ICA1L: variants seen among roughly 807,000 people sequenced by gnomAD.
ICA1L encodes islet cell autoantigen 1 like, also known as islet cell autoantigen 1-like protein.
ICA1L carries 50 observed loss-of-function variants against 61.3 expected under a neutral mutation model. The observed-to-expected ratio is 0.82, with a 90% confidence interval of 0.65 to 1.03. ICA1L has a LOEUF of 1.03. Ranked by LOEUF, ICA1L falls within the 50% of genes least tolerant of loss-of-function variation. ICA1L has a pLI of 0.00. For missense variants in ICA1L, 508 were observed against 556.7 expected, an observed-to-expected ratio of 0.91 and a Z score of 0.88; for synonymous variants, 161 against 191.3, an observed-to-expected ratio of 0.84 and a Z score of 1.31.
At chr2:202,797,519 T>C (rs1437523171) in intron 9 of ICA1L, among the ~76,000 whole-genome samples, 2 of 152,140 alleles carry the variant, frequency 1.3e-5, no homozygotes, top group African/African-American at 2.4e-5. Flanking sequence ...CTCTTAACAA[T>C]TGGTTGTCGT....
chr2:202,774,069 T>G lies in ICA1L; in HGVS notation c.*5464A>C. On this transcript the variant is annotated 3_prime_UTR_variant, in exon 13 of 13. Transcript: ENST00000358299. ...TGCTTCTTTGATGTGTCATCCTAGC[T>G]GCCTAATATGATAATATTAGGAATC... is the stretch of plus-strand genomic sequence containing the variant. 1.0e-6 allele frequency: 1 copy of G among 988,794 alleles called. No individual in the cohort carries two copies. 61.3% of individuals were successfully genotyped at this position (988,794 alleles called of 1,614,324 possible).
At chr2:202,824,900 T>C (rs192361798) in intron 3 of ICA1L, among the ~76,000 whole-genome samples, 11 of 152,198 alleles carry the variant, frequency 7.2e-5, no homozygotes, top group Admixed American at 5.2e-4. Context: ...TATCAAGGAA[T>C]AGGAAATAAT....
In ICA1L at chr2:202,817,415, T is replaced by C; in HGVS notation, c.684+3A>G. The stretch of plus-strand genomic sequence containing the variant: ...AGGATATGCTGACCATGGAGGTGGG[T>C]ACCTGGTAGGTAGTGAGCGAATGAG... On this transcript the variant is annotated splice_donor_region_variant and intron_variant, in intron 6 of 12. Transcript: ENST00000358299. The C allele has an allele frequency of 6.4e-7, 1 of 1,574,768 alleles. No homozygotes were observed. The highest frequency in any genetic ancestry group is 1.2e-5 in the South Asian group (1 of 84,432).
chr2:202,829,086 C>G, intron 1 of ICA1L, 70 bp from the exon 2 acceptor site: 3 of 1,314,710 alleles, frequency 2.3e-6, no homozygotes, highest in South Asian at 3.0e-5. Context: ...CGGTGGCTCA[C>G]GCCTGTAATT....
chr2:202,867,524 T>C (rs960523535), intron 1 of ICA1L, among the ~76,000 whole-genome samples: 2 of 152,218 alleles, frequency 1.3e-5, no homozygotes, highest in African/African-American at 4.8e-5. Flanking sequence ...AAATATGCTA[T>C]TACAATCTTA....
intron 7 of ICA1L, among the ~76,000 whole-genome samples, chr2:202,815,456 T>A (rs1402841157): frequency 6.6e-6 from 1 of 152,156 alleles, no homozygotes; most frequent in East Asian, 1.9e-4. Context: ...ATCCATGACA[T>A]CAGTGTAAAA....
intron 10 of ICA1L, among the ~76,000 whole-genome samples, chr2:202,793,617 T>G (rs1291875342): frequency 2.8e-5 from 4 of 145,200 alleles, no homozygotes; most frequent in African/African-American, 1.0e-4. Flanking sequence ...AGGTGGAGGT[T>G]CCAGTGAGCA....
chr2:202,796,969 A>G lies in ICA1L; in HGVS notation c.911-5T>C. 6.3e-7 allele frequency: 1 copy of G among 1,584,898 alleles called. No homozygotes were observed. Among genetic ancestry groups the G allele is most frequent in the East Asian group, 2.3e-5 (1 of 44,390 alleles). On this transcript the variant is annotated splice_region_variant and splice_polypyrimidine_tract_variant and intron_variant, in intron 9 of 12. Coordinates refer to ENST00000358299, the MANE Select transcript of ICA1L (RefSeq NM_001288622.3). Reference sequence around the variant, plus strand: ...TTTCATTGTGATCTTTGTTTGCTAAATCAAAAGCACATAAAAGAGAAGTTG... The same window carrying G: ...TTTCATTGTGATCTTTGTTTGCTAAGTCAAAAGCACATAAAAGAGAAGTTG...
chr2:202,803,431 T>C (rs762749492), intron 9 of ICA1L, among the ~76,000 whole-genome samples: 10 of 129,288 alleles, frequency 7.7e-5, no homozygotes, highest in Non-Finnish European at 1.2e-4. Flanking sequence ...AAAGAGAACA[T>C]GGGAAGATTG....
At chr2:202,851,646 A>G (rs1243353361) in intron 1 of ICA1L, among the ~76,000 whole-genome samples, 3 of 152,156 alleles carry the variant, frequency 2.0e-5, no homozygotes, top group African/African-American at 7.2e-5. Context: ...AAGTGTTCCC[A>G]TTTCTCTGCA....
chr2:202,830,133 C>A (rs777946135), intron 1 of ICA1L, among the ~76,000 whole-genome samples: 2 of 152,150 alleles, frequency 1.3e-5, no homozygotes, highest in Non-Finnish European at 2.9e-5. Flanking sequence ...GTGGCTCATG[C>A]CTGTAATCCC....
At chr2:202,810,524 G>A (rs1204632693) in intron 9 of ICA1L, among the ~76,000 whole-genome samples, 9 of 152,072 alleles carry the variant, frequency 5.9e-5, no homozygotes, top group South Asian at 2.1e-4. Context: ...GATGTATGTC[G>A]CCTCAGGACC....
intron 1 of ICA1L, among the ~76,000 whole-genome samples, chr2:202,865,122 C>A (rs1197604007): frequency 6.6e-6 from 1 of 150,842 alleles, no homozygotes. Flanking sequence ...GAGATCACAC[C>A]ACTGCACTTC....
intron 1 of ICA1L, among the ~76,000 whole-genome samples, chr2:202,837,969 T>C (rs1266297617): frequency 1.3e-5 from 2 of 152,148 alleles, no homozygotes; most frequent in African/African-American, 4.8e-5. Context: ...TTCTCCTGTC[T>C]CAGCCTCCCA....
chr2:202,787,535 C>T (rs939296599), intron 11 of ICA1L, among the ~76,000 whole-genome samples: 2 of 152,182 alleles, frequency 1.3e-5, no homozygotes, highest in African/African-American at 2.4e-5. Flanking sequence ...TCTATTCTTT[C>T]TTTTATTCTA....
intron 1 of ICA1L, among the ~76,000 whole-genome samples, chr2:202,861,085 CT>C (rs1195883861): frequency 6.6e-6 from 1 of 151,690 alleles, no homozygotes; most frequent in Non-Finnish European, 1.5e-5. Context: ...CAAAAATTAA[CT>C]GGGTGTGGTG....
chr2:202,807,180 GT>G (rs1366079262), intron 9 of ICA1L, among the ~76,000 whole-genome samples: 2 of 152,208 alleles, frequency 1.3e-5, no homozygotes, highest in Non-Finnish European at 2.9e-5. Flanking sequence ...ACAGTACCTG[GT>G]TTTAACTACG....
chr2:202,811,720 T>G (rs1293702742), intron 9 of ICA1L, 26 bp downstream of exon 9: 3 of 1,504,184 alleles, frequency 2.0e-6, no homozygotes, highest in Non-Finnish European at 2.8e-6. Context: ...TGTGACCATT[T>G]CAAAGTAATA....
At chr2:202,863,741 G>A (rs1012459206) in intron 1 of ICA1L, among the ~76,000 whole-genome samples, 9 of 150,034 alleles carry the variant, frequency 6.0e-5, no homozygotes, top group Admixed American at 2.0e-4. Context: ...GCAGGAGAAT[G>A]GCATGAACCC....
Sources: allele counts gnomAD v4.1 joint callset (sites outside exome capture counted in the v4.1 genomes callset), GRCh38; gene constraint gnomAD v4.1.1; transcripts MANE v1.5; gene names NCBI Gene and HGNC (gene_info 2026-07-23, HGNC 2026-07-21).